ALOX5AP: variants seen among roughly 807,000 people sequenced by gnomAD.
ALOX5AP encodes the protein arachidonate 5-lipoxygenase-activating protein.
In ALOX5AP, 9 loss-of-function variants were observed where a neutral mutation model predicts 18.5. The observed-to-expected ratio is 0.49, with a 90% confidence interval of 0.29 to 0.85. ALOX5AP has a LOEUF of 0.85. Among genes scored for constraint, ALOX5AP ranks in the 40% least tolerant of loss-of-function variants. The probability of loss-of-function intolerance (pLI) is 0.08; values close to 1 mark genes in which losing one functional copy is unlikely to be tolerated. For synonymous variants in ALOX5AP, 81 were observed against 78.6 expected (o/e 1.03, Z -0.16); for missense variants, 172 against 202.5 (o/e 0.85, Z 0.91).
chr13:30,722,883 C>T (rs1375370191), intron 1 of ALOX5AP, among the ~76,000 whole-genome samples: 1 of 152,212 alleles, frequency 6.6e-6, no homozygotes, highest in Non-Finnish European at 1.5e-5. Flanking sequence ...TCTCTACAAG[C>T]TCTTCACCTC....
In ALOX5AP at chr13:30,735,652, C is replaced by T; in HGVS notation, c.47C>T (p.Thr16Ile). ...VGNVVLLAIV[T>I]LISVVQNGFF... ...AATGTTGTCCTGTTGGCCATCGTCACCCTCATCAGCGTGGTCCAGAATGGT... is the reference window on the plus strand; with the variant it reads ...AATGTTGTCCTGTTGGCCATCGTCATCCTCATCAGCGTGGTCCAGAATGGT... The change falls in exon 1 of 5, where the codon ACC becomes ATC. Residue 16 changes from threonine (T) to isoleucine (I), a missense_variant. Coordinates refer to ENST00000380490, the MANE Select transcript of ALOX5AP (RefSeq NM_001629.4). The T allele has an allele frequency of 1.2e-6, 2 of 1,614,124 alleles. No homozygotes were observed. Among genetic ancestry groups the T allele is most frequent in the Non-Finnish European group, 1.7e-6 (2 of 1,180,010 alleles).
At chr13:30,754,921 C>G (rs1951880504) in intron 3 of ALOX5AP, among the ~76,000 whole-genome samples, 1 of 152,236 alleles carries the variant, frequency 6.6e-6, no homozygotes, top group African/African-American at 2.4e-5. Context: ...CCCAAAACGC[C>G]AGGAGCACTG....
At chr13:30,743,585 T>C (rs946946735) in intron 1 of ALOX5AP, among the ~76,000 whole-genome samples, 3 of 152,036 alleles carry the variant, frequency 2.0e-5, no homozygotes, top group African/African-American at 7.2e-5. Flanking sequence ...AACCTTTGCA[T>C]ATTTTGTTCT....
intron 2 of ALOX5AP, among the ~76,000 whole-genome samples, chr13:30,745,242 GTGAGGTGTAGGCA>G (rs1566085688): frequency 6.6e-6 from 1 of 152,168 alleles, no homozygotes; most frequent in Non-Finnish European, 1.5e-5. Context: ...AATTGTTTCA[GTGAGGTGTAGGCA>G]TGAGGGGATT....
intron 1 of ALOX5AP, among the ~76,000 whole-genome samples, chr13:30,718,803 A>G (rs114641250): frequency 0.039 from 5,870 of 152,242 alleles, 380 homozygotes; most frequent in African/African-American, 0.13. Flanking sequence ...TGAGGTCATG[A>G]CAGCCCTCTC....
intron 4 of ALOX5AP, 134 bp from the exon 5 acceptor site, chr13:30,763,810 G>A: frequency 1.2e-6 from 1 of 822,366 alleles, no homozygotes; most frequent in Non-Finnish European, 1.9e-6. Flanking sequence ...GAAGTAAATG[G>A]GAAAATGGAG....
chr13:30,755,681 G>T (rs1057412769), intron 3 of ALOX5AP, among the ~76,000 whole-genome samples: 3 of 152,208 alleles, frequency 2.0e-5, no homozygotes, highest in Admixed American at 2.0e-4. Flanking sequence ...TTTGTGTTGG[G>T]CTGTATTCAA....
intron 4 of ALOX5AP, among the ~76,000 whole-genome samples, chr13:30,762,043 A>G (rs531513344): frequency 6.6e-6 from 1 of 152,330 alleles, no homozygotes; most frequent in African/African-American, 2.4e-5. Flanking sequence ...ACAGGAAAAC[A>G]GGGAGAGAAT....
intron 1 of ALOX5AP, among the ~76,000 whole-genome samples, chr13:30,728,466 T>C (rs150973275): frequency 5.2e-4 from 79 of 152,268 alleles, no homozygotes; most frequent in African/African-American, 1.9e-3. Context: ...TGTGTATATA[T>C]ATTTAAAAAT....
chr13:30,757,876 C>T (rs1270529102), intron 4 of ALOX5AP, among the ~76,000 whole-genome samples: 4 of 152,138 alleles, frequency 2.6e-5, no homozygotes, highest in Non-Finnish European at 5.9e-5. Context: ...TAGATTTCTT[C>T]GGACCTCATT....
chr13:30,762,731 C>A (rs1457712801), intron 4 of ALOX5AP, among the ~76,000 whole-genome samples: 1 of 152,168 alleles, frequency 6.6e-6, no homozygotes, highest in Non-Finnish European at 1.5e-5. Flanking sequence ...CGGCACTTGG[C>A]AGTACGAAGT....
At chr13:30,717,556 T>A (rs1173327790) in intron 1 of ALOX5AP, among the ~76,000 whole-genome samples, 1 of 152,216 alleles carries the variant, frequency 6.6e-6, no homozygotes, top group African/African-American at 2.4e-5. Flanking sequence ...CTAGAGTGGC[T>A]CACAGAACTC....
chr13:30,746,508 G>A (rs1276739032), intron 2 of ALOX5AP, among the ~76,000 whole-genome samples: 1 of 152,210 alleles, frequency 6.6e-6, no homozygotes, highest in African/African-American at 2.4e-5. Flanking sequence ...TGTCTGGGTT[G>A]TAAAAAGGGT....
chr13:30,730,655 G>A (rs1951673922), upstream of ALOX5AP, among the ~76,000 whole-genome samples: 1 of 152,028 alleles, frequency 6.6e-6, no homozygotes, highest in African/African-American at 2.4e-5. Context: ...AGATGGCAAC[G>A]TGCACCCTGA....
In ALOX5AP at chr13:30,737,750, T is replaced by C. The variant is rs1297334830; in HGVS notation, c.70+2075T>C. ...CAGCTGAGGCAATTTGTGGTCAGAG[T>C]GACTTTGCACAGTTGTCCTGCCTGT... is the stretch of plus-strand genomic sequence containing the variant. On this transcript the variant is annotated intron_variant, in intron 1 of 4. Coordinates refer to ENST00000380490, the MANE Select transcript of ALOX5AP (RefSeq NM_001629.4). 3.9e-5 allele frequency among the ~76,000 whole-genome samples: 6 copies of C among 152,192 alleles called. No homozygotes were observed. In the East Asian group the frequency reaches 1.2e-3, roughly 29 times the overall value.
intron 4 of ALOX5AP, among the ~76,000 whole-genome samples, chr13:30,756,302 C>G: frequency 6.6e-6 from 1 of 152,306 alleles, no homozygotes; most frequent in Non-Finnish European, 1.5e-5. Flanking sequence ...CTGCACGTGC[C>G]TTGCAGCCCC....
At chr13:30,729,576 ATTTT>A (rs10655622) in intron 1 of ALOX5AP, among the ~76,000 whole-genome samples, 1 of 137,636 alleles carries the variant, frequency 7.3e-6, no homozygotes, top group Non-Finnish European at 1.5e-5. Flanking sequence ...TCTAACCTGT[ATTTT>A]TTTTTTTTTT....
intron 1 of ALOX5AP, among the ~76,000 whole-genome samples, chr13:30,723,556 G>C (rs376942969): frequency 6.6e-6 from 1 of 152,168 alleles, no homozygotes; most frequent in Admixed American, 6.5e-5. Context: ...TGTGTAAAAA[G>C]AATGGGTGAG....
chr13:30,725,106 A>G (rs975881438), intron 1 of ALOX5AP, among the ~76,000 whole-genome samples: 1 of 152,238 alleles, frequency 6.6e-6, no homozygotes, highest in African/African-American at 2.4e-5. Flanking sequence ...TTGGAGCAAT[A>G]CAAGTGGGTG....
Sources: gnomAD v4.1 joint callset for allele counts (sites outside exome capture counted in the v4.1 genomes callset) on GRCh38, gnomAD v4.1.1 for gene constraint, MANE v1.5 for transcripts, NCBI Gene and HGNC (gene_info 2026-07-23, HGNC 2026-07-21) for gene names.